EDAR: variants seen among roughly 807,000 people sequenced by gnomAD.
The protein encoded by EDAR is tumor necrosis factor receptor superfamily member EDAR.
In EDAR, 38 loss-of-function variants were observed where a neutral mutation model predicts 51.3. That is an observed-to-expected ratio of 0.74 (90% CI 0.57 to 0.97). EDAR has a LOEUF of 0.97. Ranked by LOEUF, EDAR falls within the 50% of genes least tolerant of loss-of-function variation. The pLI is 0.00. For synonymous variants in EDAR, 227 were observed against 242.1 expected (o/e 0.94, Z 0.58); for missense variants, 528 against 595.0 (o/e 0.89, Z 1.17).
chr2:108,965,923 A>G (rs1698144114), intron 1 of EDAR, among the ~76,000 whole-genome samples: 1 of 152,050 alleles, frequency 6.6e-6, no homozygotes, highest in Non-Finnish European at 1.5e-5. Flanking sequence ...AACTGGAAAA[A>G]CCAGGTACTA....
At chr2:108,917,646 A>G (rs72937942) in intron 5 of EDAR, among the ~76,000 whole-genome samples, 10,594 of 152,022 alleles carry the variant, frequency 0.07, 449 homozygotes, top group South Asian at 0.11. Context: ...CTAAGACTAG[A>G]GGGGGGTCAA....
rs369944543 is a variant in EDAR, at chr2:108,911,919, G to A, written c.529+759C>T. Among the ~76,000 whole-genome samples the A allele has an allele frequency of 3.9e-5, 6 of 152,314 alleles. No homozygotes were observed. The East Asian group carries it at 9.6e-4, about 24-fold the overall frequency. Reference sequence around the variant, plus strand: ...TCATCTGGGGAATACCTGTAATAGCGTTAGCATGCCAGGTCTGGATGACAT... The same window carrying A: ...TCATCTGGGGAATACCTGTAATAGCATTAGCATGCCAGGTCTGGATGACAT... On this transcript the variant is annotated intron_variant, in intron 6 of 11. Transcript: ENST00000258443.
At chr2:108,913,750 A>T (rs1696974452) in intron 5 of EDAR, among the ~76,000 whole-genome samples, 2 of 152,090 alleles carry the variant, frequency 1.3e-5, no homozygotes, top group Non-Finnish European at 1.5e-5. Flanking sequence ...GGAGATCAAG[A>T]TCATCCTGGC....
chr2:108,966,219 C>G (rs1375095433), intron 1 of EDAR, among the ~76,000 whole-genome samples: 1 of 152,188 alleles, frequency 6.6e-6, no homozygotes, highest in Non-Finnish European at 1.5e-5. Flanking sequence ...AATGCAAAGA[C>G]CTGTCTGCCT....
At position 108,939,423 on chromosome 2, in the gene EDAR, G is replaced by C. The variant is rs573643397; in HGVS notation, c.-18-8391C>G. 2.0e-5 allele frequency among the ~76,000 whole-genome samples: 3 copies of C among 152,368 alleles called. No individual in the cohort carries two copies. In the South Asian group the frequency reaches 6.2e-4, roughly 32 times the overall value. On this transcript the variant is annotated intron_variant, in intron 1 of 11. Coordinates refer to ENST00000258443, the MANE Select transcript of EDAR (RefSeq NM_022336.4). ...GCTGGTCTTGAACTCCTGACTTCAA[G>C]TGTCTAGTGCAGAGTATGCGTATGT...
At chr2:108,934,440 A>G (rs1178169693) in intron 1 of EDAR, among the ~76,000 whole-genome samples, 2 of 152,182 alleles carry the variant, frequency 1.3e-5, no homozygotes, top group African/African-American at 4.8e-5. Context: ...GACCTGACTG[A>G]CGTGGGGCTC....
chr2:108,965,321 C>T (rs1015105621), intron 1 of EDAR, among the ~76,000 whole-genome samples: 18 of 152,176 alleles, frequency 1.2e-4, no homozygotes, highest in African/African-American at 4.3e-4. Flanking sequence ...ACTAAAAATA[C>T]AAAAACAAAA....
chr2:108,971,369 G>C (rs973741486), intron 1 of EDAR, among the ~76,000 whole-genome samples: 3 of 152,034 alleles, frequency 2.0e-5, no homozygotes, highest in African/African-American at 7.2e-5. Context: ...GAGACCTCCA[G>C]TATCAAAATC....
chr2:108,965,881 C>G (rs370562389), intron 1 of EDAR, among the ~76,000 whole-genome samples: 2 of 151,962 alleles, frequency 1.3e-5, no homozygotes, highest in African/African-American at 4.8e-5. Flanking sequence ...GTGCTCCCCC[C>G]TCTCCCCCCA....
At chr2:108,964,402 C>T (rs1458946534) in intron 1 of EDAR, among the ~76,000 whole-genome samples, 3 of 151,954 alleles carry the variant, frequency 2.0e-5, no homozygotes, top group Non-Finnish European at 4.4e-5. Flanking sequence ...GGAACTGTGA[C>T]GAAAAGGGAT....
In EDAR at chr2:108,896,655, A is replaced by G. The variant is rs938814773; in HGVS notation, c.*252T>C. On this transcript the variant is annotated 3_prime_UTR_variant, in exon 12 of 12. Transcript: ENST00000258443. ...AATGGTGGGCTGGTGGGCTGGCTGT[A>G]TGAGTGAGTAGATATTTACTCTGCC... 3.9e-6 allele frequency: 2 copies of G among 519,362 alleles called. No homozygotes were observed. The highest frequency in any genetic ancestry group is 6.9e-6 in the Non-Finnish European group (2 of 289,192). The allele number at this position is 519,362 out of a possible 1,614,324, so 32.2% of individuals were successfully genotyped here. A position where few individuals can be genotyped will look rare whatever the true frequency, so the allele number is the denominator to read the frequency against.
chr2:108,979,446 CTG>C (rs1436515998), intron 1 of EDAR, among the ~76,000 whole-genome samples: 8 of 71,906 alleles, frequency 1.1e-4, no homozygotes, highest in Admixed American at 7.8e-4. Flanking sequence ...TTCTCTCTCT[CTG>C]TCTCTGTCTC....
At chr2:108,950,824 C>G (rs1334485751) in intron 1 of EDAR, among the ~76,000 whole-genome samples, 1 of 152,254 alleles carries the variant, frequency 6.6e-6, no homozygotes, top group African/African-American at 2.4e-5. Context: ...ATTCTCAGCA[C>G]AGGGATGGCC....
At position 108,897,174 on chromosome 2, in the gene EDAR, G is replaced by A. The variant is rs1306918798; in HGVS notation, c.1080C>T (p.Leu360=). The change falls in exon 12 of 12, where the codon CTC becomes CTT. Residue 360 remains leucine, a synonymous_variant. Transcript: ENST00000258443. The stretch of plus-strand genomic sequence containing the variant: ...CCTTCTCAGAGTTGTACGTGGAGCT[G>A]AGCATTCGGCTAGTCTTCTCGAGGC... The part of the protein sequence containing the change: ...FDCLEKTSRM[L]SSTYNSEKAV... 1 of 1,613,854 alleles carries A rather than the reference G, an allele frequency of 6.2e-7. No homozygotes were observed. The highest frequency in any genetic ancestry group is 8.5e-7 in the Non-Finnish European group (1 of 1,180,042).
rs1306176820 is a variant in EDAR at position 108,912,658 on chromosome 2, T to C, written c.529+20A>G. The C allele has an allele frequency of 3.2e-6, 5 of 1,567,404 alleles. No individual in the cohort carries two copies. Among genetic ancestry groups the C allele is most frequent in the Non-Finnish European group, 2.6e-6 (3 of 1,154,332 alleles). ...GTACCACCTAACTCCAGGTGATCGATACCTGAGCACCCTCCTCACCTTTGT... is the reference window on the plus strand; with the variant it reads ...GTACCACCTAACTCCAGGTGATCGACACCTGAGCACCCTCCTCACCTTTGT... On this transcript the variant is annotated intron_variant, in intron 6 of 11. Coordinates refer to ENST00000258443, the MANE Select transcript of EDAR (RefSeq NM_022336.4).
chr2:108,970,687 G>C (rs1698218720), intron 1 of EDAR, among the ~76,000 whole-genome samples: 1 of 152,152 alleles, frequency 6.6e-6, no homozygotes, highest in Non-Finnish European at 1.5e-5. Flanking sequence ...GGAGAAGACA[G>C]AAAAACCATA....
intron 1 of EDAR, among the ~76,000 whole-genome samples, chr2:108,944,266 A>G (rs1697670004): frequency 6.6e-6 from 1 of 152,166 alleles, no homozygotes; most frequent in African/African-American, 2.4e-5. Context: ...GGGCTGTACC[A>G]ACATGCCTGG....
At chr2:108,985,826 T>C (rs893954100) in intron 1 of EDAR, among the ~76,000 whole-genome samples, 3 of 152,212 alleles carry the variant, frequency 2.0e-5, no homozygotes, top group East Asian at 1.9e-4. Context: ...ATTGGAACAA[T>C]TGGTGACCTT....
intron 1 of EDAR, among the ~76,000 whole-genome samples, chr2:108,982,779 T>C (rs1204148418): frequency 1.3e-5 from 2 of 152,152 alleles, no homozygotes; most frequent in Non-Finnish European, 2.9e-5. Flanking sequence ...CTAAGTCTCC[T>C]TGCTTTGGTT....
Sources: allele counts gnomAD v4.1 joint callset (sites outside exome capture counted in the v4.1 genomes callset), GRCh38; gene constraint gnomAD v4.1.1; transcripts MANE v1.5; gene names NCBI Gene and HGNC (gene_info 2026-07-23, HGNC 2026-07-21).